SMARCB1: variants seen among roughly 807,000 people sequenced by gnomAD.
SMARCB1 encodes the protein SWI/SNF-related matrix-associated actin-dependent regulator of chromatin subfamily B member 1.
A neutral mutation model predicts 49.0 loss-of-function variants in SMARCB1; 5 were observed. That is an observed-to-expected ratio of 0.10 (90% confidence interval 0.05 to 0.21). SMARCB1 has a LOEUF of 0.21. SMARCB1 is among the 10% of genes least tolerant of loss of function. SMARCB1 has a pLI of 1.00. For synonymous variants in SMARCB1, 201 were observed against 200.1 expected (o/e 1.00, Z -0.04); for missense variants, 226 against 509.2 (o/e 0.44, Z 5.35).
At chr22:23,801,330 C>A (rs781107672) in intron 4 of SMARCB1, 1 of 706,416 alleles carries the variant, frequency 1.4e-6, no homozygotes. Context: ...AGTGGAGTTA[C>A]TCAGGGCGCG....
At chr22:23,827,238 C>T (rs890918885) in intron 7 of SMARCB1, among the ~76,000 whole-genome samples, 1 of 152,238 alleles carries the variant, frequency 6.6e-6, no homozygotes, top group African/African-American at 2.4e-5. Context: ...TTGACCTTCA[C>T]CTAGTCCTGC....
intron 6 of SMARCB1, chr22:23,818,173 TGTC>T (rs1285392930): frequency 8.9e-6 from 1 of 112,366 alleles, no homozygotes; most frequent in Non-Finnish European, 1.9e-5. Flanking sequence ...TGTGTGTGTG[TGTC>T]GCAGTCTCAC....
intron 4 of SMARCB1, chr22:23,802,713 C>T (rs752004698): frequency 2.5e-4 from 48 of 194,768 alleles, no homozygotes; most frequent in African/African-American, 4.9e-4. Context: ...ACCTGCCTGC[C>T]GGACTCTTCC....
rs539226305 is a variant in SMARCB1, at chr22:23,806,617, A to C, written c.628+3195A>C. 2.6e-5 allele frequency among the ~76,000 whole-genome samples: 4 copies of C among 152,308 alleles called. No homozygotes were observed. The East Asian group carries it at 7.7e-4, about 29-fold the overall frequency. ...AGTAGCACGAATGAAGTGTATGTTCAGCCCACCTTCAGAATCAGGATTGGC... is the reference window on the plus strand; with the variant it reads ...AGTAGCACGAATGAAGTGTATGTTCCGCCCACCTTCAGAATCAGGATTGGC... On this transcript the variant is annotated intron_variant, in intron 5 of 8. Coordinates refer to ENST00000644036, the MANE Select transcript of SMARCB1 (RefSeq NM_003073.5).
rs539978330 is a variant in SMARCB1 at position 23,805,168 on chromosome 22, T to G, written c.628+1746T>G. On this transcript the variant is annotated intron_variant, in intron 5 of 8. Coordinates refer to ENST00000644036, the MANE Select transcript of SMARCB1 (RefSeq NM_003073.5). ...TCTGCTCAGCCCTGAGAAGAAGGCCTGAGAGCCATGTGCCGGGTGCTTGTC... is the reference window on the plus strand; with the variant it reads ...TCTGCTCAGCCCTGAGAAGAAGGCCGGAGAGCCATGTGCCGGGTGCTTGTC... Among the ~76,000 whole-genome samples the G allele has an allele frequency of 3.3e-5, 5 of 152,320 alleles. No individual in the cohort carries two copies. In the South Asian group the frequency reaches 8.3e-4, roughly 25 times the overall value.
chr22:23,790,486 A>G (rs1430414460), intron 1 of SMARCB1, among the ~76,000 whole-genome samples: 1 of 152,182 alleles, frequency 6.6e-6, no homozygotes, highest in African/African-American at 2.4e-5. Flanking sequence ...ACTTGAACCC[A>G]GGAGTTTAAG....
chr22:23,795,401 A>G (rs937285146), intron 3 of SMARCB1, among the ~76,000 whole-genome samples: 6 of 152,170 alleles, frequency 3.9e-5, no homozygotes, highest in Non-Finnish European at 8.8e-5. Context: ...CACGCCTGTA[A>G]TCCCAGCACT....
In SMARCB1 at chr22:23,787,804, T is replaced by A. The variant is rs551444485; in HGVS notation, c.93+542T>A. 5.9e-5 allele frequency among the ~76,000 whole-genome samples: 9 copies of A among 152,254 alleles called. No homozygotes were observed. The East Asian group carries it at 1.7e-3, about 29-fold the overall frequency. On this transcript the variant is annotated intron_variant, in intron 1 of 8. Transcript: ENST00000644036. Reference sequence around the variant, plus strand: ...GGTGAAGAAACAGATTGGAGGAAGATGTTTGCTTTTGGGTGAATAAGGGCC... The same window carrying A: ...GGTGAAGAAACAGATTGGAGGAAGAAGTTTGCTTTTGGGTGAATAAGGGCC...
chr22:23,825,470 G>GAA lies in SMARCB1; in HGVS notation c.986+57_986+58dup, dbSNP rs5844569. ...TCATCTCCCTGCAAAACTGTTTTGAGAAAGACTTCTCTGTGTGAGCGGTGA... is the reference window on the plus strand; with the variant it reads ...TCATCTCCCTGCAAAACTGTTTTGAGAAAAAGACTTCTCTGTGTGAGCGGTGA... On this transcript the variant is annotated intron_variant, in intron 7 of 8. Coordinates refer to ENST00000644036, the MANE Select transcript of SMARCB1 (RefSeq NM_003073.5). 0.12 allele frequency: 184,391 copies of GAA among 1,489,728 alleles called. 13,172 individuals carry two copies. Among genetic ancestry groups the GAA allele is most frequent in the South Asian group, 0.27 (23,177 of 86,832 alleles). The allele number at this position is 1,489,728 out of a possible 1,614,324, so 92.3% of individuals were successfully genotyped here.
intron 4 of SMARCB1, chr22:23,801,433 C>T: frequency 1.7e-6 from 1 of 583,560 alleles, no homozygotes. Context: ...CCCACTGTGC[C>T]ACCATTTCCC....
Position 23,835,339 on chromosome 22 carries a change from G to C in SMARCB1, c.*1159G>C. 1 of 1,001,906 alleles carries C rather than the reference G, an allele frequency of 1.0e-6. No homozygotes were observed. Among genetic ancestry groups the C allele is most frequent in the South Asian group, 4.6e-5 (1 of 21,768 alleles). The allele number at this position is 1,001,906 out of a possible 1,614,324, so 62.1% of individuals were successfully genotyped here. Reference sequence around the variant, plus strand: ...GAGAATGGGCACAGATCCGGGCACAGATCCCAGCACAGACTGCTGCCACCC... The same window carrying C: ...GAGAATGGGCACAGATCCGGGCACACATCCCAGCACAGACTGCTGCCACCC... On this transcript the variant is annotated 3_prime_UTR_variant, in exon 9 of 9. Transcript: ENST00000644036.
intron 2 of SMARCB1, chr22:23,792,775 C>T (rs1928478827): frequency 6.5e-6 from 1 of 154,794 alleles, no homozygotes; most frequent in South Asian, 2.0e-4. Flanking sequence ...TTGCTTAAAA[C>T]AGTTTCCTTT....
At chr22:23,827,800 G>A (rs2030461819) in intron 7 of SMARCB1, among the ~76,000 whole-genome samples, 1 of 152,162 alleles carries the variant, frequency 6.6e-6, no homozygotes, top group Non-Finnish European at 1.5e-5. Flanking sequence ...GGGCCTTAGG[G>A]TTGGGCTGTC....
chr22:23,803,545 C>A, intron 5 of SMARCB1, 123 bp downstream of exon 5: 2 of 1,085,042 alleles, frequency 1.8e-6, no homozygotes, highest in Non-Finnish European at 2.7e-6. Context: ...GACATCGGGG[C>A]ATAGTTTTGG....
chr22:23,820,813 C>T (rs867899032), intron 6 of SMARCB1, among the ~76,000 whole-genome samples: 7 of 152,110 alleles, frequency 4.6e-5, no homozygotes, highest in South Asian at 2.1e-4. Context: ...GTCCTGCATA[C>T]GGTCTGCTGG....
chr22:23,794,035 A>G (rs1928586781), intron 3 of SMARCB1, among the ~76,000 whole-genome samples: 2 of 151,908 alleles, frequency 1.3e-5, no homozygotes, highest in Non-Finnish European at 2.9e-5. Context: ...ACTTCTGCCT[A>G]CTGGGTTCAA....
At chr22:23,805,111 T>G (rs1249839195) in intron 5 of SMARCB1, among the ~76,000 whole-genome samples, 1 of 152,132 alleles carries the variant, frequency 6.6e-6, no homozygotes, top group Admixed American at 6.6e-5. Flanking sequence ...TACCACTTGC[T>G]CACACCAGTG....
Position 23,835,277 on chromosome 22 carries a change from G to A in SMARCB1, c.*1097G>A. The A allele has an allele frequency of 9.2e-7, 1 of 1,083,966 alleles. No individual in the cohort carries two copies. The highest frequency in any genetic ancestry group is 1.1e-6 in the Non-Finnish European group (1 of 893,720). The allele number at this position is 1,083,966 out of a possible 1,614,324, so 67.1% of individuals were successfully genotyped here. Reference sequence around the variant, plus strand: ...TTCAGAATGGACACAGGATCTGGGAGGGCAGCAAACTGGCTCGCAGCTCCA... The same window carrying A: ...TTCAGAATGGACACAGGATCTGGGAAGGCAGCAAACTGGCTCGCAGCTCCA... On this transcript the variant is annotated 3_prime_UTR_variant, in exon 9 of 9. Transcript: ENST00000644036.
chr22:23,832,451 C>T (rs937105151), intron 7 of SMARCB1, among the ~76,000 whole-genome samples: 10 of 152,080 alleles, frequency 6.6e-5, no homozygotes, highest in Non-Finnish European at 1.3e-4. Flanking sequence ...TTTTCAGGGC[C>T]GCAGGCTGGC....
Sources: gnomAD v4.1 joint callset for allele counts (sites outside exome capture counted in the v4.1 genomes callset) on GRCh38, gnomAD v4.1.1 for gene constraint, MANE v1.5 for transcripts, NCBI Gene and HGNC (gene_info 2026-07-23, HGNC 2026-07-21) for gene names.